IFT140: variants seen among roughly 807,000 people sequenced by gnomAD.
IFT140 encodes the protein intraflagellar transport 140.
In IFT140, 133 loss-of-function variants were observed where a neutral mutation model predicts 164.6. That is an observed-to-expected ratio of 0.81 (90% CI 0.70 to 0.93). IFT140 has a LOEUF of 0.93. Among genes scored for constraint, IFT140 ranks in the 40% least tolerant of loss-of-function variants. The pLI, the probability that IFT140 is intolerant of heterozygous loss-of-function variation, is 0.00. For missense variants in IFT140, 2,045 were observed against 1,972.3 expected (o/e 1.04, Z -0.70); for synonymous variants, 860 against 817.3 (o/e 1.05, Z -0.89).
chr16:1,550,613 C>T (rs1241231105), intron 19 of IFT140, among the ~76,000 whole-genome samples: 1 of 152,204 alleles, frequency 6.6e-6, no homozygotes, highest in Non-Finnish European at 1.5e-5. Context: ...CGGCAGGCTG[C>T]CTCAGGGCAG....
chr16:1,516,178 A>AAAAAC (rs2040337804), intron 30 of IFT140, among the ~76,000 whole-genome samples: 1 of 59,222 alleles, frequency 1.7e-5, no homozygotes. Flanking sequence ...AAAAAAAAAA[A>AAAAAC]CACCAGAAAT....
chr16:1,522,314 G>A (rs1254039334), intron 26 of IFT140, among the ~76,000 whole-genome samples: 1 of 151,980 alleles, frequency 6.6e-6, no homozygotes, highest in Admixed American at 6.6e-5. Flanking sequence ...CCAAGATTGT[G>A]CCACTGGACT....
At chr16:1,523,218 CAAAAA>C (rs397855579) in intron 26 of IFT140, among the ~76,000 whole-genome samples, 2 of 103,104 alleles carry the variant, frequency 1.9e-5, no homozygotes, top group African/African-American at 6.6e-5. Context: ...GACCCTGTCT[CAAAAA>C]AAAAAAAAAA....
intron 10 of IFT140, among the ~76,000 whole-genome samples, 193 bp from the exon 11 acceptor site, chr16:1,584,613 G>A (rs950304986): frequency 1.3e-5 from 2 of 152,186 alleles, no homozygotes; most frequent in Non-Finnish European, 2.9e-5. Flanking sequence ...TGTGTAGAAA[G>A]ACTTCAAGAT....
Position 1,553,761 on chromosome 16 carries a change from G to T in IFT140, c.2399+4174C>A. ...TGGCTGTAGGGGATGAGGAGGGGCA[G>T]GGCCATGTGGACAGCCTCTCCTCCA... is the stretch of plus-strand genomic sequence containing the variant. On this transcript the variant is annotated intron_variant, in intron 19 of 30. Coordinates refer to ENST00000426508, the MANE Select transcript of IFT140 (RefSeq NM_014714.4). The surrounding 1 kb of genome is among the most constrained non-coding windows in gnomAD (Gnocchi z 4.4). 1 of 1,172,874 alleles carries T rather than the reference G, an allele frequency of 8.5e-7. No homozygotes were observed. The highest frequency in any genetic ancestry group is 1.1e-6 in the Non-Finnish European group (1 of 933,332). The allele number at this position is 1,172,874 out of a possible 1,614,324, so 72.7% of individuals were successfully genotyped here.
intron 4 of IFT140, 117 bp from the exon 5 acceptor site, chr16:1,592,705 G>C: frequency 6.9e-7 from 1 of 1,458,866 alleles, no homozygotes; most frequent in Non-Finnish European, 9.2e-7. Flanking sequence ...AGAGCGACTG[G>C]TGGAGGGACA....
intron 19 of IFT140, among the ~76,000 whole-genome samples, chr16:1,545,698 G>A (rs1257557328): frequency 2.0e-5 from 3 of 152,216 alleles, no homozygotes; most frequent in East Asian, 3.9e-4. Flanking sequence ...AGGAGGAAAA[G>A]TACATGGAAT....
At chr16:1,561,049 G>A (rs1348602597) in intron 18 of IFT140, among the ~76,000 whole-genome samples, 1 of 152,264 alleles carries the variant, frequency 6.6e-6, no homozygotes, top group African/African-American at 2.4e-5. Flanking sequence ...GGGCTCACAG[G>A]CCGGCGCCAG....
At chr16:1,516,192 T>A (rs1378302197) in intron 30 of IFT140, among the ~76,000 whole-genome samples, 3 of 122,494 alleles carry the variant, frequency 2.4e-5, no homozygotes, top group Non-Finnish European at 3.5e-5. Context: ...CAGAAATGGA[T>A]GGTAAATATG....
intron 30 of IFT140, among the ~76,000 whole-genome samples, chr16:1,511,682 C>T (rs1315228062): frequency 6.6e-6 from 1 of 152,020 alleles, no homozygotes; most frequent in Non-Finnish European, 1.5e-5. Context: ...TTAAGGAAGG[C>T]CTCAGCTGGG....
chr16:1,513,727 G>A (rs1348287251), intron 30 of IFT140, among the ~76,000 whole-genome samples: 2 of 150,060 alleles, frequency 1.3e-5, no homozygotes, highest in East Asian at 2.1e-4. Context: ...AGGCTGGAGT[G>A]CAGTGGTGCG....
At chr16:1,610,472 G>C (rs2036280863) in intron 2 of IFT140, 192 bp downstream of exon 2, 2 of 154,332 alleles carry the variant, frequency 1.3e-5, no homozygotes, top group Non-Finnish European at 2.9e-5. Flanking sequence ...TCCGACGAGC[G>C]ACCTGGACCC....
intron 4 of IFT140, among the ~76,000 whole-genome samples, chr16:1,600,528 G>A (rs185255689): frequency 4.9e-4 from 75 of 151,660 alleles, no homozygotes; most frequent in African/African-American, 1.8e-3. Flanking sequence ...CTGCACCATT[G>A]TCTAATTAGC....
chr16:1,571,156 T>C (rs2033993295), intron 14 of IFT140, among the ~76,000 whole-genome samples: 1 of 152,226 alleles, frequency 6.6e-6, no homozygotes, highest in Admixed American at 6.5e-5. Context: ...ACTCATCATA[T>C]AGAAGCTTCC....
intron 6 of IFT140, among the ~76,000 whole-genome samples, chr16:1,590,012 C>T (rs942841182): frequency 2.2e-4 from 34 of 152,102 alleles, no homozygotes; most frequent in Non-Finnish European, 4.3e-4. Context: ...GCCTGGCCAA[C>T]GTAGTGAAAT....
chr16:1,568,718 C>A (rs1451054621), intron 14 of IFT140, among the ~76,000 whole-genome samples: 1 of 152,100 alleles, frequency 6.6e-6, no homozygotes, highest in Non-Finnish European at 1.5e-5. Flanking sequence ...CATGCCACTG[C>A]ACTCCAGCCT....
chr16:1,541,406 G>T (rs1044979504), intron 19 of IFT140: 5 of 985,288 alleles, frequency 5.1e-6, no homozygotes, highest in Non-Finnish European at 6.0e-6. Flanking sequence ...CTGGGAGGAG[G>T]GAACACCACC....
At chr16:1,561,379 G>C (rs1457134628) in intron 18 of IFT140, among the ~76,000 whole-genome samples, 1 of 152,202 alleles carries the variant, frequency 6.6e-6, no homozygotes, top group Non-Finnish European at 1.5e-5. Flanking sequence ...GAACCTACTG[G>C]GGTGTGTGTA....
intron 18 of IFT140, among the ~76,000 whole-genome samples, chr16:1,561,496 T>C (rs923022913): frequency 6.6e-6 from 1 of 152,240 alleles, no homozygotes; most frequent in Non-Finnish European, 1.5e-5. Flanking sequence ...GCCACCAGCC[T>C]GCCCACAGTG....
Sources: gnomAD v4.1 joint callset for allele counts (sites outside exome capture counted in the v4.1 genomes callset) on GRCh38, gnomAD v4.1.1 for gene constraint, Gnocchi (gnomAD v3.1) non-coding constraint, MANE v1.5 for transcripts, NCBI Gene and HGNC (gene_info 2026-07-23, HGNC 2026-07-21) for gene names.